TTC7A: variants seen among roughly 807,000 people sequenced by gnomAD.
TTC7A encodes tetratricopeptide repeat protein 7A.
TTC7A carries 110 observed loss-of-function variants against 103.7 expected under a neutral mutation model. The observed-to-expected ratio is 1.06, with a 90% CI of 0.91 to 1.24. TTC7A has a LOEUF of 1.24. Ranked by LOEUF, TTC7A falls within the 50% of genes most tolerant of loss-of-function variation. The probability of loss-of-function intolerance (pLI) is 0.00; values close to 1 mark genes in which losing one functional copy is unlikely to be tolerated. For missense variants in TTC7A, 1,340 were observed against 1,116.3 expected (o/e 1.20, Z -2.86); for synonymous variants, 521 against 467.9 (o/e 1.11, Z -1.47).
chr2:46,957,009 T>A lies in TTC7A; in HGVS notation c.517+2T>A. The A allele has an allele frequency of 6.2e-7, 1 of 1,614,042 alleles. No homozygotes were observed. Among genetic ancestry groups the A allele is most frequent in the Non-Finnish European group, 8.5e-7 (1 of 1,179,960 alleles). On this transcript the variant is annotated splice_donor_variant, in intron 3 of 19. Coordinates refer to ENST00000319190, the MANE Select transcript of TTC7A (RefSeq NM_020458.4). LOFTEE classifies it high-confidence loss of function. ...TGTCGGAGGCTTTTGTCATCAAAGG[T>A]AGCTGTGGGCACCAGCCTGGGCTCC...
At chr2:46,966,684 T>TG (rs1399922270) in intron 3 of TTC7A, among the ~76,000 whole-genome samples, 3 of 149,850 alleles carry the variant, frequency 2.0e-5, no homozygotes, top group Admixed American at 6.7e-5. Context: ...TTGGTGGAGA[T>TG]GGGGTCTATG....
intron 3 of TTC7A, among the ~76,000 whole-genome samples, chr2:46,966,167 T>C (rs1385536425): frequency 6.6e-6 from 1 of 152,206 alleles, no homozygotes; most frequent in Non-Finnish European, 1.5e-5. Flanking sequence ...CAGGCTGGTC[T>C]TGAACTCTCG....
intron 5 of TTC7A, among the ~76,000 whole-genome samples, chr2:46,982,288 C>G (rs1394025096): frequency 6.6e-6 from 1 of 151,910 alleles, no homozygotes; most frequent in African/African-American, 2.4e-5. Context: ...GTGGGAGGAT[C>G]ATCTGAGCCT....
At chr2:46,948,080 C>T (rs928419770) in intron 1 of TTC7A, among the ~76,000 whole-genome samples, 11 of 152,186 alleles carry the variant, frequency 7.2e-5, no homozygotes, top group African/African-American at 2.4e-4. Flanking sequence ...GCAGAGTGCA[C>T]GGGATGGCCA....
intron 15 of TTC7A, among the ~76,000 whole-genome samples, chr2:47,045,332 G>A (rs1682200543): frequency 1.3e-5 from 2 of 152,288 alleles, no homozygotes; most frequent in Middle Eastern, 3.4e-3. Context: ...GGGCCTCCAG[G>A]GCTCCACCCC....
At chr2:46,982,937 A>T (rs1432665453) in intron 5 of TTC7A, among the ~76,000 whole-genome samples, 1 of 152,202 alleles carries the variant, frequency 6.6e-6, no homozygotes, top group Non-Finnish European at 1.5e-5. Context: ...ACTGCACTCC[A>T]GCCTGGGCCA....
At chr2:47,067,669 C>T (rs958589418) in intron 19 of TTC7A, among the ~76,000 whole-genome samples, 1 of 152,230 alleles carries the variant, frequency 6.6e-6, no homozygotes, top group Non-Finnish European at 1.5e-5. Flanking sequence ...CACTCACTGA[C>T]CAGGTTCTGT....
In TTC7A at chr2:47,074,346, C is replaced by T. The variant is rs190011916; in HGVS notation, c.*423C>T. On this transcript the variant is annotated 3_prime_UTR_variant, in exon 20 of 20. Transcript: ENST00000319190. ...GGGCGGTCACAATGTGAAGAAACTGCGGGCAAGTGGGAAGACTATGAGATT... is the reference window on the plus strand; with the variant it reads ...GGGCGGTCACAATGTGAAGAAACTGTGGGCAAGTGGGAAGACTATGAGATT... 97 of 166,440 alleles carry T rather than the reference C, an allele frequency of 5.8e-4. 1 individual carries two copies. The highest frequency in any genetic ancestry group is 3.0e-3 in the Middle Eastern group (1 of 336). The allele number at this position is 166,440 out of a possible 1,614,324, so 10.3% of individuals were successfully genotyped here.
chr2:46,949,338 C>A (rs1671208062), intron 1 of TTC7A, among the ~76,000 whole-genome samples: 1 of 152,152 alleles, frequency 6.6e-6, no homozygotes. Context: ...CGAATTCAGG[C>A]AGTTCTGCCT....
At chr2:47,073,592 C>T (rs1558656584) in intron 19 of TTC7A, 110 bp from the exon 20 acceptor site, 4 of 896,072 alleles carry the variant, frequency 4.5e-6, no homozygotes, top group South Asian at 3.1e-5. Flanking sequence ...ACGCGGGAAT[C>T]CTCTCGAGCT....
At chr2:46,935,896 G>C (rs1421005607) in intron 2 of TTC7A, among the ~76,000 whole-genome samples, 1 of 152,030 alleles carries the variant, frequency 6.6e-6, no homozygotes, top group Non-Finnish European at 1.5e-5. Context: ...TTTGAGACCA[G>C]CCTGGGCAAC....
intron 2 of TTC7A, among the ~76,000 whole-genome samples, chr2:46,926,795 G>A (rs780640346): frequency 5.3e-5 from 8 of 152,118 alleles, no homozygotes; most frequent in South Asian, 2.1e-4. Flanking sequence ...AGCAATCAAC[G>A]GACCTCCACA....
At chr2:47,052,924 C>G (rs1682991573) in intron 18 of TTC7A, among the ~76,000 whole-genome samples, 1 of 152,180 alleles carries the variant, frequency 6.6e-6, no homozygotes, top group African/African-American at 2.4e-5. Flanking sequence ...AGTTGATGAT[C>G]TCTTACTGGG....
intron 19 of TTC7A, among the ~76,000 whole-genome samples, chr2:47,070,247 C>T (rs1230047628): frequency 6.6e-6 from 1 of 152,276 alleles, no homozygotes; most frequent in Non-Finnish European, 1.5e-5. Context: ...TGTGCCTCTG[C>T]AGATGACCTG....
At chr2:46,936,854 T>G (rs2103861536), upstream of TTC7A, among the ~76,000 whole-genome samples, 1 of 149,204 alleles carries the variant, frequency 6.7e-6, no homozygotes, top group South Asian at 2.1e-4. Context: ...GAAACAGGAT[T>G]CCAAATTTTT....
chr2:47,071,961 C>T (rs911548720), intron 19 of TTC7A, among the ~76,000 whole-genome samples: 4 of 152,226 alleles, frequency 2.6e-5, no homozygotes, highest in African/African-American at 9.6e-5. Context: ...TCCTGTGTGG[C>T]TCCCTCCTGG....
chr2:46,915,913 C>T (rs13023820), upstream of TTC7A: 54,104 of 984,908 alleles, frequency 0.055, 1,582 homozygotes, highest in Middle Eastern at 0.086. Context: ...GCTGTGAGGA[C>T]GGCTCGCGTG....
At chr2:46,985,758 C>T (rs1206528755) in intron 5 of TTC7A, among the ~76,000 whole-genome samples, 3 of 152,252 alleles carry the variant, frequency 2.0e-5, no homozygotes, top group Non-Finnish European at 4.4e-5. Context: ...CTGTGTAATA[C>T]CACATTGTCC....
intron 1 of TTC7A, among the ~76,000 whole-genome samples, chr2:46,943,813 A>G (rs968585726): frequency 6.6e-6 from 1 of 152,096 alleles, no homozygotes; most frequent in African/African-American, 2.4e-5. Context: ...GAATTGGGAG[A>G]GGTTCTGAGA....
Sources: allele counts gnomAD v4.1 joint callset (sites outside exome capture counted in the v4.1 genomes callset), GRCh38; gene constraint gnomAD v4.1.1; transcripts MANE v1.5; gene names NCBI Gene and HGNC (gene_info 2026-07-23, HGNC 2026-07-21).